The following UBE3C variants were observed in gnomAD, a reference collection of about 807,000 sequenced individuals.
The protein encoded by UBE3C is ubiquitin-protein ligase E3C.
UBE3C carries 42 observed loss-of-function variants against 129.4 expected under a neutral mutation model. That is an observed-to-expected ratio of 0.32 (90% CI 0.25 to 0.42). The LOEUF is 0.42. Among genes scored for constraint, UBE3C ranks in the 10% least tolerant of loss-of-function variants. UBE3C has a pLI of 1.00. For synonymous variants in UBE3C, 510 were observed against 492.4 expected, an observed-to-expected ratio of 1.04 and a Z score of -0.47; for missense variants, 1,049 against 1,319.1, an observed-to-expected ratio of 0.80 and a Z score of 3.17.
At chr7:157,216,721 C>T (rs953597554) in intron 13 of UBE3C, 146 bp from the exon 14 acceptor site, 2 of 647,266 alleles carry the variant, frequency 3.1e-6, no homozygotes, top group Non-Finnish European at 5.5e-6. Flanking sequence ...CAAAAAGAAG[C>T]CCTTTTCTGT....
intron 19 of UBE3C, among the ~76,000 whole-genome samples, chr7:157,251,419 A>G (rs1796617547): frequency 6.6e-6 from 1 of 152,224 alleles, no homozygotes; most frequent in Admixed American, 6.5e-5. Context: ...AGGACCCACA[A>G]ATAATCATCT....
At chr7:157,199,388 G>C (rs192080849) in intron 10 of UBE3C, among the ~76,000 whole-genome samples, 214 of 151,794 alleles carry the variant, frequency 1.4e-3, no homozygotes, top group Non-Finnish European at 1.5e-3. Flanking sequence ...TCAGAGATAG[G>C]GTATCTATTA....
intron 21 of UBE3C, among the ~76,000 whole-genome samples, chr7:157,254,623 C>T (rs1477645695): frequency 6.6e-6 from 1 of 151,732 alleles, no homozygotes; most frequent in East Asian, 2.0e-4. Flanking sequence ...GTTTCAAACT[C>T]CTGAGCTCAA....
At chr7:157,227,333 G>T (rs1485782308) in intron 17 of UBE3C, among the ~76,000 whole-genome samples, 2 of 152,022 alleles carry the variant, frequency 1.3e-5, no homozygotes, top group Non-Finnish European at 2.9e-5. Context: ...ACTTGCAAGT[G>T]GGGGGGCTGT....
At chr7:157,235,289 G>A (rs1796126912) in intron 18 of UBE3C, among the ~76,000 whole-genome samples, 2 of 152,128 alleles carry the variant, frequency 1.3e-5, no homozygotes, top group Admixed American at 1.3e-4. Context: ...ATATATATGT[G>A]AAAATAAAGG....
intron 21 of UBE3C, among the ~76,000 whole-genome samples, chr7:157,254,943 C>T (rs1190588804): frequency 1.2e-5 from 1 of 85,928 alleles, no homozygotes; most frequent in Non-Finnish European, 2.2e-5. Context: ...CCTGCAGTCC[C>T]GGCGTGGTGG....
intron 16 of UBE3C, among the ~76,000 whole-genome samples, chr7:157,224,378 T>C (rs1795817052): frequency 6.6e-6 from 1 of 151,986 alleles, no homozygotes; most frequent in Non-Finnish European, 1.5e-5. Context: ...GTATTTTCAG[T>C]AGAGACGGGG....
rs771983129 is a variant in UBE3C at position 157,223,345 on chromosome 7, A to G, written c.2094A>G (p.Arg698=). 3.7e-6 allele frequency: 6 copies of G among 1,611,486 alleles called. No individual in the cohort carries two copies. The highest frequency in any genetic ancestry group is 3.4e-6 in the Non-Finnish European group (4 of 1,179,152). The change falls in exon 16 of 23, where the codon CGA becomes CGG. Residue 698 remains arginine (R), a synonymous_variant. Coordinates refer to ENST00000348165, the MANE Select transcript of UBE3C (RefSeq NM_014671.3). ...CTTTTGTGGTTCCATTTGAGGAACG[A>G]GTAAAGGTATGCAATTTGGCTTCTT... ...ELPFVVPFEE[R]VKIFQRLIYA... is the part of the protein sequence containing the mutation.
chr7:157,175,271 G>A (rs972779478), intron 5 of UBE3C, among the ~76,000 whole-genome samples: 6 of 149,054 alleles, frequency 4.0e-5, no homozygotes, highest in South Asian at 2.1e-4. Flanking sequence ...TTTCTTTCAC[G>A]GATGCCTTTG....
intron 1 of UBE3C, chr7:157,140,091 C>T (rs1280681886): frequency 5.2e-6 from 5 of 955,776 alleles, no homozygotes; most frequent in Non-Finnish European, 6.2e-6. Flanking sequence ...CTGTCTGTCC[C>T]TGAAGACGGG....
chr7:157,223,412 A>G, intron 16 of UBE3C, 61 bp downstream of exon 16: 3 of 1,404,722 alleles, frequency 2.1e-6, no homozygotes, highest in Non-Finnish European at 2.9e-6. Context: ...AAATTAACAC[A>G]CACCCACCAG....
At chr7:157,207,601 C>T in intron 12 of UBE3C, 46 bp downstream of exon 12, 1 of 1,598,278 alleles carries the variant, frequency 6.3e-7, no homozygotes. Context: ...CTTGGCCCAT[C>T]AGTTTTCATA....
At chr7:157,222,896 A>C (rs1795777410) in intron 15 of UBE3C, 1 of 227,486 alleles carries the variant, frequency 4.4e-6, no homozygotes, top group Non-Finnish European at 8.7e-6. Flanking sequence ...AAGGGCACGA[A>C]GGTGGTCGGG....
At chr7:157,261,146 C>CA (rs200097530) in intron 22 of UBE3C, among the ~76,000 whole-genome samples, 25 of 147,152 alleles carry the variant, frequency 1.7e-4, no homozygotes, top group East Asian at 4.0e-4. Context: ...CTACTAAATA[C>CA]AAAAAAAAAA....
intron 15 of UBE3C, chr7:157,221,560 G>A (rs1795737427): frequency 6.6e-6 from 1 of 152,254 alleles, no homozygotes; most frequent in African/African-American, 2.4e-5. Flanking sequence ...GACCAACATA[G>A]TGAAACCCCG....
chr7:157,256,689 A>G, intron 21 of UBE3C: 1 of 488,448 alleles, frequency 2.0e-6, no homozygotes, highest in Non-Finnish European at 3.6e-6. Flanking sequence ...ATAGTGTCAC[A>G]GCCATTTACA....
At chr7:157,146,162 T>C (rs1158713545) in intron 1 of UBE3C, among the ~76,000 whole-genome samples, 1 of 152,254 alleles carries the variant, frequency 6.6e-6, no homozygotes, top group Non-Finnish European at 1.5e-5. Flanking sequence ...GCACCATTTC[T>C]GAAAAGACAT....
At chr7:157,243,593 C>G (rs577483521) in intron 18 of UBE3C, among the ~76,000 whole-genome samples, 2 of 152,288 alleles carry the variant, frequency 1.3e-5, no homozygotes, top group African/African-American at 2.4e-5. Flanking sequence ...TTGGTGTCCT[C>G]CTGCTGCTGT....
At chr7:157,204,554 C>G (rs1809380465) in intron 11 of UBE3C, among the ~76,000 whole-genome samples, 1 of 152,090 alleles carries the variant, frequency 6.6e-6, no homozygotes, top group Non-Finnish European at 1.5e-5. Context: ...CCCAGTCTAG[C>G]AGACCACATT....
Sources: allele counts gnomAD v4.1 joint callset (sites outside exome capture counted in the v4.1 genomes callset), GRCh38; gene constraint gnomAD v4.1.1; transcripts MANE v1.5; gene names NCBI Gene and HGNC (gene_info 2026-07-23, HGNC 2026-07-21).